Variants in SLC15A1 observed in about 807,000 individuals in gnomAD.
SLC15A1 encodes the protein solute carrier family 15 member 1.
SLC15A1 carries 83 observed loss-of-function variants against 92.9 expected under a neutral mutation model. The observed-to-expected ratio is 0.89, with a 90% confidence interval of 0.75 to 1.07. The LOEUF is 1.07. SLC15A1 is among the 50% of genes least tolerant of loss of function. The pLI is 0.00. For synonymous variants in SLC15A1, 322 were observed against 318.2 expected (o/e 1.01, Z -0.13); for missense variants, 857 against 880.1 (o/e 0.97, Z 0.33).
At chr13:98,748,690 C>A (rs1166673884) in intron 1 of SLC15A1, among the ~76,000 whole-genome samples, 4 of 152,138 alleles carry the variant, frequency 2.6e-5, no homozygotes, top group Non-Finnish European at 5.9e-5. Flanking sequence ...CCCACATGGA[C>A]AAGCCAGGGC....
Position 98,687,649 on chromosome 13 carries a change from G to A in SLC15A1, c.1759C>T (p.Gln587Ter), listed in dbSNP as rs1376121061. 1.2e-6 allele frequency: 2 copies of A among 1,614,038 alleles called. No homozygotes were observed. The highest frequency in any genetic ancestry group is 1.7e-5 in the Admixed American group (1 of 59,994). ...TCGCCACAGGTGAGAAGAAAATACTGCGGGATTTGCAGAGCCATGTTAACT... is the reference window on the plus strand; with the variant it reads ...TCGCCACAGGTGAGAAGAAAATACTACGGGATTTGCAGAGCCATGTTAACT... ...NTVNMALQIP[Q>*]YFLLTCGEVV... The change falls in exon 21 of 23, where the codon CAG becomes TAG. Residue 587 changes from glutamine (Q) to a stop codon, truncating the protein, a stop_gained. Transcript: ENST00000376503. LOFTEE classifies it high-confidence loss of function.
Position 98,721,861 on chromosome 13 carries a change from A to G in SLC15A1, c.408T>C (p.Thr136=), listed in dbSNP as rs765874430. 1.2e-6 allele frequency: 2 copies of G among 1,614,118 alleles called. No homozygotes were observed. The highest frequency in any genetic ancestry group is 1.7e-6 in the Non-Finnish European group (2 of 1,180,028). ...LIGLALIALG[T]GGIKPCVSAF... ...CAGACACACAGGGTTTGATTCCTCCAGTCCCGAGAGCTATCAGGGCCAGGC... is the reference window on the plus strand; with the variant it reads ...CAGACACACAGGGTTTGATTCCTCCGGTCCCGAGAGCTATCAGGGCCAGGC... The change falls in exon 6 of 23, where the codon ACT becomes ACC. Residue 136 remains threonine (T), a synonymous_variant. Transcript: ENST00000376503.
In SLC15A1 at chr13:98,684,868, TACAC is replaced by T; in HGVS notation, c.1979_1982del (p.Cys660Ter). ...AGAACCGAGCCATGATGGCAAAAAT[TACAC>T]AGACGACCAGAAGCAACGCGGCAAA... is the stretch of plus-strand genomic sequence containing the variant. On this transcript the variant is annotated frameshift_variant, in exon 23 of 23. Transcript: ENST00000376503. LOFTEE classifies it low-confidence loss of function (END_TRUNC). The T allele has an allele frequency of 6.2e-7, 1 of 1,614,070 alleles. No homozygotes were observed. Among genetic ancestry groups the T allele is most frequent in the Non-Finnish European group, 8.5e-7 (1 of 1,180,008 alleles).
chr13:98,699,221 G>T (rs1008027958), intron 18 of SLC15A1, among the ~76,000 whole-genome samples: 10 of 152,142 alleles, frequency 6.6e-5, no homozygotes, highest in African/African-American at 2.4e-4. Flanking sequence ...TCTTTTGGGG[G>T]AGTGGGACTG....
chr13:98,749,842 C>T (rs1032286771), intron 1 of SLC15A1, among the ~76,000 whole-genome samples: 1 of 152,208 alleles, frequency 6.6e-6, no homozygotes, highest in African/African-American at 2.4e-5. Flanking sequence ...TTTTGTGGCA[C>T]ATGAAAATTA....
intron 1 of SLC15A1, among the ~76,000 whole-genome samples, chr13:98,745,063 G>T (rs907901046): frequency 6.6e-6 from 1 of 152,136 alleles, no homozygotes; most frequent in African/African-American, 2.4e-5. Context: ...AACTTTATCT[G>T]CAGGTCCACA....
At chr13:98,691,637 G>A (rs2390106) in intron 18 of SLC15A1, among the ~76,000 whole-genome samples, 25,550 of 152,070 alleles carry the variant, frequency 0.17, 2,617 homozygotes, top group African/African-American at 0.29. Context: ...TGATTAATAC[G>A]TAGCCCACTA....
At chr13:98,687,783 C>T (rs950905) in intron 20 of SLC15A1, 59 bp from the exon 21 acceptor site, 232,037 of 1,588,320 alleles carry the variant, frequency 0.15, 20,497 homozygotes, top group East Asian at 0.38. Flanking sequence ...AAAAACTGTT[C>T]GAACAGGTAA....
Position 98,726,465 on chromosome 13 carries a change from C to A in SLC15A1, c.22-16G>T. On this transcript the variant is annotated splice_polypyrimidine_tract_variant and intron_variant, in intron 2 of 22. Transcript: ENST00000376503. ...CAAAGAAACTCTGACAAAAAAGAAA[C>A]AAGCACAGGATTGAAATACACCCCC... The A allele has an allele frequency of 5.6e-6, 9 of 1,611,380 alleles. No individual in the cohort carries two copies. Among genetic ancestry groups the A allele is most frequent in the Non-Finnish European group, 7.6e-6 (9 of 1,178,182 alleles).
chr13:98,698,664 T>A (rs1716407465), intron 18 of SLC15A1, among the ~76,000 whole-genome samples: 1 of 152,198 alleles, frequency 6.6e-6, no homozygotes, highest in African/African-American at 2.4e-5. Flanking sequence ...CTTGAACTCC[T>A]GACCTCAGGT....
At chr13:98,742,331 G>A (rs933129628) in intron 1 of SLC15A1, among the ~76,000 whole-genome samples, 5 of 152,190 alleles carry the variant, frequency 3.3e-5, no homozygotes, top group Non-Finnish European at 7.3e-5. Flanking sequence ...CGCCTACATG[G>A]GTCATGAGCT....
chr13:98,705,180 C>T (rs1334597619), intron 16 of SLC15A1, among the ~76,000 whole-genome samples: 2 of 130,244 alleles, frequency 1.5e-5, no homozygotes, highest in Admixed American at 1.8e-4. Flanking sequence ...GCCTGGGCGA[C>T]AGAGTGAGGC....
chr13:98,750,615 C>CAG (rs2088537155), intron 1 of SLC15A1, among the ~76,000 whole-genome samples: 1 of 152,174 alleles, frequency 6.6e-6, no homozygotes, highest in Non-Finnish European at 1.5e-5. Context: ...GGGACAAAGT[C>CAG]AGAGGCAGGA....
At chr13:98,724,643 T>C (rs2088284982) in intron 4 of SLC15A1, among the ~76,000 whole-genome samples, 1 of 152,168 alleles carries the variant, frequency 6.6e-6, no homozygotes, top group African/African-American at 2.4e-5. Flanking sequence ...GGCTAATTTT[T>C]TGTATTTTTT....
rs1354110330 is a variant in SLC15A1, at chr13:98,738,084, G to T, written c.5-11225C>A. Among the ~76,000 whole-genome samples, 4 of 152,156 alleles carry T rather than the reference G, an allele frequency of 2.6e-5. No homozygotes were observed. In the East Asian group the frequency reaches 7.7e-4, roughly 29 times the overall value. ...TTAAGAGCAATGACCTAGGATATCT[G>T]GTAGAAGAAATTTCTAAGCAGCAAA... is the stretch of plus-strand genomic sequence containing the variant. On this transcript the variant is annotated intron_variant, in intron 1 of 22. Coordinates refer to ENST00000376503, the MANE Select transcript of SLC15A1 (RefSeq NM_005073.4).
At chr13:98,706,550 G>A (rs551994843) in intron 15 of SLC15A1, among the ~76,000 whole-genome samples, 98 of 152,212 alleles carry the variant, frequency 6.4e-4, no homozygotes, top group Non-Finnish European at 1.1e-3. Context: ...TAACTGAATC[G>A]TGGGGGTGGC....
intron 9 of SLC15A1, among the ~76,000 whole-genome samples, chr13:98,713,149 C>G (rs369890958): frequency 3.2e-4 from 48 of 152,282 alleles, no homozygotes; most frequent in African/African-American, 1.1e-3. Flanking sequence ...CTTGACCTCC[C>G]AGACTCAAAT....
chr13:98,723,660 T>G (rs1303889038), intron 5 of SLC15A1, among the ~76,000 whole-genome samples: 2 of 152,202 alleles, frequency 1.3e-5, no homozygotes, highest in African/African-American at 4.8e-5. Context: ...GCGCACTGAC[T>G]GTACTTCACA....
chr13:98,742,708 A>G (rs1012302950), intron 1 of SLC15A1, among the ~76,000 whole-genome samples: 3 of 152,154 alleles, frequency 2.0e-5, no homozygotes, highest in African/African-American at 7.2e-5. Context: ...CACCTCTGCC[A>G]CCATACTCAC....
Sources: allele counts gnomAD v4.1 joint callset (sites outside exome capture counted in the v4.1 genomes callset), GRCh38; gene constraint gnomAD v4.1.1; transcripts MANE v1.5; gene names NCBI Gene and HGNC (gene_info 2026-07-23, HGNC 2026-07-21).